The following MTX2 variants were observed in gnomAD, a reference collection of about 807,000 sequenced individuals.
MTX2 encodes the protein metaxin-2.
In MTX2, 35 loss-of-function variants were observed where a neutral mutation model predicts 42.3. That is an observed-to-expected ratio of 0.83 (90% confidence interval 0.63 to 1.10). The LOEUF is 1.10. Among genes scored for constraint, MTX2 ranks in the 50% least tolerant of loss-of-function variants. The pLI, the probability that MTX2 is intolerant of heterozygous loss-of-function variation, is 0.00. For missense variants in MTX2, 307 were observed against 304.1 expected, an observed-to-expected ratio of 1.01 and a Z score of -0.07; for synonymous variants, 119 against 100.9, an observed-to-expected ratio of 1.18 and a Z score of -1.08.
At chr2:176,319,979 G>C (rs1684538936) in intron 3 of MTX2, among the ~76,000 whole-genome samples, 3 of 152,108 alleles carry the variant, frequency 2.0e-5, no homozygotes, top group African/African-American at 7.2e-5. Context: ...GGACTGGCCT[G>C]TTTTTGCATT....
intron 8 of MTX2, 109 bp downstream of exon 8, chr2:176,329,535 C>G: frequency 8.9e-7 from 1 of 1,128,668 alleles, no homozygotes; most frequent in East Asian, 2.9e-5. Flanking sequence ...GCAAGAAAAC[C>G]ATTTCCTGTG....
At chr2:176,305,788 A>T (rs964481594) in intron 3 of MTX2, among the ~76,000 whole-genome samples, 6 of 152,120 alleles carry the variant, frequency 3.9e-5, no homozygotes, top group African/African-American at 1.4e-4. Context: ...AAGGAAGGTC[A>T]GTCTATGAAG....
intron 3 of MTX2, among the ~76,000 whole-genome samples, chr2:176,300,234 C>G (rs1473881055): frequency 2.6e-5 from 4 of 152,018 alleles, no homozygotes; most frequent in Non-Finnish European, 4.4e-5. Flanking sequence ...GATAATAATT[C>G]TCTGTTACTA....
chr2:176,275,653 T>C (rs563501585), intron 1 of MTX2, among the ~76,000 whole-genome samples: 1 of 152,322 alleles, frequency 6.6e-6, no homozygotes, highest in African/African-American at 2.4e-5. Context: ...TTCAATACAT[T>C]ACTCACATTT....
At chr2:176,273,881 T>G (rs1692881885) in intron 1 of MTX2, among the ~76,000 whole-genome samples, 1 of 151,692 alleles carries the variant, frequency 6.6e-6, no homozygotes, top group Non-Finnish European at 1.5e-5. Context: ...TCAGTGGGTT[T>G]TTTGTTTGTT....
chr2:176,335,309 T>C (rs775703790), intron 9 of MTX2, among the ~76,000 whole-genome samples: 2 of 152,112 alleles, frequency 1.3e-5, no homozygotes, highest in Non-Finnish European at 2.9e-5. Flanking sequence ...GTTTGGGTTG[T>C]ATGCTATGAA....
intron 9 of MTX2, among the ~76,000 whole-genome samples, chr2:176,334,777 G>GT (rs1426884443): frequency 3.3e-5 from 5 of 151,982 alleles, no homozygotes; most frequent in Admixed American, 6.6e-5. Context: ...CAGTTCCTTA[G>GT]ATACTGTGCT....
At chr2:176,321,753 T>C (rs957874107) in intron 3 of MTX2, among the ~76,000 whole-genome samples, 9 of 152,162 alleles carry the variant, frequency 5.9e-5, no homozygotes, top group Non-Finnish European at 1.3e-4. Context: ...TACCCAGTTG[T>C]AAGGGAGCCC....
rs1335872055 is a variant in MTX2, at chr2:176,323,482, TC to T, written c.208+19del. On this transcript the variant is annotated intron_variant, in intron 4 of 9. Transcript: ENST00000249442. The stretch of plus-strand genomic sequence containing the variant: ...TCCATCTGGTAAGTGTGTTTTTTTT[TC>T]TTCTCTGTTAATATTATGGAGTGAT... The T allele has an allele frequency of 1.3e-6, 2 of 1,595,006 alleles. No individual in the cohort carries two copies. Among genetic ancestry groups the T allele is most frequent in the Non-Finnish European group, 1.7e-6 (2 of 1,164,556 alleles).
chr2:176,315,953 AG>A (rs1222642771), intron 3 of MTX2, among the ~76,000 whole-genome samples: 8 of 152,226 alleles, frequency 5.3e-5, no homozygotes, highest in Non-Finnish European at 1.5e-5. Flanking sequence ...TCTAAGTAGC[AG>A]GAATTACCAT....
intron 9 of MTX2, among the ~76,000 whole-genome samples, chr2:176,336,617 T>A (rs1684992936): frequency 6.6e-6 from 1 of 152,200 alleles, no homozygotes; most frequent in Admixed American, 6.6e-5. Flanking sequence ...TTCTGGCACA[T>A]TGGAGATCTG....
At chr2:176,333,304 A>G (rs1246914296) in intron 9 of MTX2, among the ~76,000 whole-genome samples, 5 of 151,588 alleles carry the variant, frequency 3.3e-5, no homozygotes, top group African/African-American at 4.8e-5. Flanking sequence ...TAGCAAGATA[A>G]TTAAAATTGG....
intron 3 of MTX2, among the ~76,000 whole-genome samples, chr2:176,321,715 TG>T (rs1481603053): frequency 1.3e-5 from 2 of 152,142 alleles, no homozygotes; most frequent in Non-Finnish European, 2.9e-5. Flanking sequence ...TCCCAGCAGT[TG>T]TCCAGAACTT....
intron 4 of MTX2, among the ~76,000 whole-genome samples, chr2:176,325,920 C>T (rs1186557706): frequency 6.6e-6 from 1 of 151,634 alleles, no homozygotes; most frequent in Non-Finnish European, 1.5e-5. Context: ...GCAGTTGAAG[C>T]TTTTGTTAGG....
intron 9 of MTX2, among the ~76,000 whole-genome samples, chr2:176,334,795 G>A (rs1684948663): frequency 6.6e-6 from 1 of 151,954 alleles, no homozygotes; most frequent in South Asian, 2.1e-4. Context: ...GCTAAGAACT[G>A]GGAATATAAA....
At chr2:176,314,588 T>C (rs921316764) in intron 3 of MTX2, among the ~76,000 whole-genome samples, 5 of 152,206 alleles carry the variant, frequency 3.3e-5, no homozygotes, top group African/African-American at 1.2e-4. Context: ...TAGATATGTA[T>C]AATATTTAAG....
chr2:176,273,797 C>T (rs377578410), intron 1 of MTX2, among the ~76,000 whole-genome samples: 1 of 152,072 alleles, frequency 6.6e-6, no homozygotes, highest in African/African-American at 2.4e-5. Flanking sequence ...GCTTAGATAA[C>T]CATAGTAGTC....
chr2:176,276,993 G>A (rs960364708), intron 1 of MTX2, among the ~76,000 whole-genome samples: 11 of 151,910 alleles, frequency 7.2e-5, no homozygotes, highest in Non-Finnish European at 1.6e-4. Context: ...TGGGCATTTG[G>A]GTGCTTAATT....
chr2:176,291,994 G>C (rs143029375), intron 1 of MTX2, among the ~76,000 whole-genome samples: 1 of 152,248 alleles, frequency 6.6e-6, no homozygotes, highest in Non-Finnish European at 1.5e-5. Context: ...GAGGATTTTG[G>C]TCTTTATTCC....
Sources: gnomAD v4.1 joint callset for allele counts (sites outside exome capture counted in the v4.1 genomes callset) on GRCh38, gnomAD v4.1.1 for gene constraint, MANE v1.5 for transcripts, NCBI Gene and HGNC (gene_info 2026-07-23, HGNC 2026-07-21) for gene names.